PTCH1: variants seen among roughly 807,000 people sequenced by gnomAD.
The protein encoded by PTCH1 is protein patched homolog 1.
A neutral mutation model predicts 144.6 loss-of-function variants in PTCH1; 14 were observed. The observed-to-expected ratio is 0.10, with a 90% CI of 0.06 to 0.15. The LOEUF is 0.15. Among genes scored for constraint, PTCH1 ranks in the 10% least tolerant of loss-of-function variants. PTCH1 has a pLI of 1.00. For synonymous variants in PTCH1, 833 were observed against 793.6 expected, an observed-to-expected ratio of 1.05 and a Z score of -0.83; for missense variants, 1,623 against 1,948.3, an observed-to-expected ratio of 0.83 and a Z score of 3.14.
rs2136599880 is a variant in PTCH1 at position 95,449,199 on chromosome 9, T to C, written c.3674A>G (p.Tyr1225Cys). Residue 1225 changes from tyrosine (Y) to cysteine (C), a missense_variant, in exon 22 of 24, where the codon TAT becomes TGT. Tyr to Cys is a radical substitution (Grantham distance 194). Transcript: ENST00000331920. The surrounding 1 kb of genome is among the most constrained non-coding windows in gnomAD (Gnocchi z 5.3). ...HSGSDSSDSE[Y>C]SSQTTVSGLS... ...GCCTGACACTGTCGTCTGGGAACTA[T>C]ACTCCGAGTCGGAGGAATCAGACCC... is the stretch of plus-strand genomic sequence containing the variant. 1.2e-6 allele frequency: 2 copies of C among 1,608,954 alleles called. No individual in the cohort carries two copies. Among genetic ancestry groups the C allele is most frequent in the South Asian group, 1.1e-5 (1 of 90,210 alleles).
chr9:95,494,129 G>C (rs138700452), intron 2 of PTCH1: 7 of 876,940 alleles, frequency 8.0e-6, no homozygotes, highest in Non-Finnish European at 9.6e-6. Context: ...GTAGTGCGCA[G>C]GCGCTCGCGC....
chr9:95,516,714 A>C, exon 1 of PTCH1: 1 of 1,612,354 alleles, frequency 6.2e-7, no homozygotes, highest in Non-Finnish European at 8.5e-7. Flanking sequence ...GTCTTTACAA[A>C]AGGAACGGAA....
intron 12 of PTCH1, among the ~76,000 whole-genome samples, chr9:95,475,486 G>A (rs1433320377): frequency 2.0e-5 from 3 of 152,204 alleles, no homozygotes; most frequent in East Asian, 1.9e-4. Context: ...AGGGCCCACC[G>A]AGGCGGACCC....
intron 18 of PTCH1, among the ~76,000 whole-genome samples, chr9:95,456,863 T>G (rs1198385385): frequency 6.6e-6 from 1 of 152,128 alleles, no homozygotes; most frequent in Non-Finnish European, 1.5e-5. Context: ...CACTCTCCAT[T>G]CTAAAGAAAG....
intron 20 of PTCH1, chr9:95,452,784 G>T (rs1164039627): frequency 2.6e-5 from 4 of 153,376 alleles, no homozygotes; most frequent in Admixed American, 1.3e-4. Context: ...ATAAAGTCAG[G>T]TGACAATTTT....
intron 2 of PTCH1, 78 bp downstream of exon 2, chr9:95,506,329 T>G (rs1490586131): frequency 3.9e-5 from 58 of 1,492,736 alleles, no homozygotes; most frequent in Non-Finnish European, 4.9e-5. Context: ...AGGCTCTAGG[T>G]GTGCGCTGGC....
chr9:95,453,760 C>G, intron 19 of PTCH1, 140 bp from the exon 20 acceptor site: 1 of 1,109,464 alleles, frequency 9.0e-7, no homozygotes, highest in Non-Finnish European at 1.3e-6. Context: ...CAGAGTAGCT[C>G]AACTAGCAGC....
At chr9:95,493,205 C>T (rs1249017468) in intron 2 of PTCH1, among the ~76,000 whole-genome samples, 1 of 152,196 alleles carries the variant, frequency 6.6e-6, no homozygotes, top group Non-Finnish European at 1.5e-5. Flanking sequence ...TTTCCCTCAT[C>T]ACGCTTCCCT....
intron 7 of PTCH1, 24 bp downstream of exon 7, chr9:95,479,945 G>C (rs1247188952): frequency 4.3e-6 from 7 of 1,614,204 alleles, no homozygotes; most frequent in Non-Finnish European, 5.1e-6. Flanking sequence ...ACAGGGCATA[G>C]ATTGTCCTCG....
chr9:95,475,806 T>C (rs1268067769), intron 12 of PTCH1, among the ~76,000 whole-genome samples: 3 of 152,086 alleles, frequency 2.0e-5, no homozygotes, highest in Non-Finnish European at 2.9e-5. Context: ...CTGGGCTTCA[T>C]AGGGCTAGAA....
intron 2 of PTCH1, among the ~76,000 whole-genome samples, chr9:95,488,101 C>T (rs546282127): frequency 6.6e-6 from 1 of 152,302 alleles, no homozygotes; most frequent in South Asian, 2.1e-4. Flanking sequence ...TCCAGACCAA[C>T]CTCATAATGG....
chr9:95,491,156 A>T (rs1842379702), intron 2 of PTCH1, among the ~76,000 whole-genome samples: 1 of 152,250 alleles, frequency 6.6e-6, no homozygotes, highest in Admixed American at 6.5e-5. Flanking sequence ...ATAACGTTTT[A>T]TACTTGGGTG....
rs1843951039 is a variant in PTCH1 at position 95,508,648 on chromosome 9, C to T, written c.-287G>A. On this transcript the variant is annotated 5_prime_UTR_variant, in exon 1 of 24. Transcript: ENST00000331920. ...CCCGAGGTCTCTGCGGCCGCCGCTG[C>T]CCACATCCAGTTCGCGGAAGAGCGA... 1.8e-5 allele frequency: 18 copies of T among 988,812 alleles called. No homozygotes were observed. The highest frequency in any genetic ancestry group is 2.0e-5 in the Non-Finnish European group (17 of 832,618). The allele number at this position is 988,812 out of a possible 1,614,324, so 61.3% of individuals were successfully genotyped here. A position where few individuals can be genotyped will look rare whatever the true frequency, so the allele number is the denominator to read the frequency against.
At chr9:95,484,667 A>T (rs1841835889) in intron 3 of PTCH1, among the ~76,000 whole-genome samples, 1 of 152,192 alleles carries the variant, frequency 6.6e-6, no homozygotes. Context: ...GTTGGGTGAC[A>T]TCAACTCAGA....
At chr9:95,501,849 ACC>A (rs1218553491) in intron 2 of PTCH1, among the ~76,000 whole-genome samples, 1 of 152,204 alleles carries the variant, frequency 6.6e-6, no homozygotes, top group Non-Finnish European at 1.5e-5. Context: ...AAAAGGAAAT[ACC>A]AACAAAGAAA....
intron 20 of PTCH1, chr9:95,450,271 G>A (rs1040684368): frequency 2.7e-6 from 1 of 371,370 alleles, no homozygotes; most frequent in Non-Finnish European, 5.1e-6. Context: ...TATGGAATGC[G>A]ACCTGAATGG....
chr9:95,444,155 A>T lies in PTCH1; in HGVS notation c.*2238T>A, dbSNP rs1187792381. ...ATCCAAATGAACAAACAGGACAGACAAAATAAAACTATTAAAAGAGAGAGA... is the reference window on the plus strand; with the variant it reads ...ATCCAAATGAACAAACAGGACAGACTAAATAAAACTATTAAAAGAGAGAGA... On this transcript the variant is annotated 3_prime_UTR_variant, in exon 24 of 24. Transcript: ENST00000331920. The T allele has an allele frequency of 6.6e-6, 1 of 152,406 alleles. No individual in the cohort carries two copies. The highest frequency in any genetic ancestry group is 2.4e-5 in the African/African-American group (1 of 41,412). The allele number at this position is 152,406 out of a possible 1,614,324, so 9.4% of individuals were successfully genotyped here. A position where few individuals can be genotyped will look rare whatever the true frequency, so the allele number is the denominator to read the frequency against.
Position 95,458,186 on chromosome 9 carries a change from T to G in PTCH1, c.2995A>C (p.Ser999Arg), listed in dbSNP as rs1181905241. ...GACAGCCCCAGGCTCGTATAGTTGC[T>G]GCAGATGGTCCTTACTTTTTCAATT... ...EAIEKVRTIC[S>R]NYTSLGLSSY... The change falls in exon 18 of 24, where the codon AGC (serine) becomes CGC (arginine). Residue 999 changes from serine to arginine, a missense_variant. By Grantham distance (110) the Ser-to-Arg change is moderately radical. Transcript: ENST00000331920. The surrounding 1 kb of genome is among the most constrained non-coding windows in gnomAD (Gnocchi z 4.7). 1.2e-6 allele frequency: 2 copies of G among 1,614,068 alleles called. No homozygotes were observed. Among genetic ancestry groups the G allele is most frequent in the Non-Finnish European group, 1.7e-6 (2 of 1,180,046 alleles).
At chr9:95,496,865 G>A (rs1229101170) in intron 2 of PTCH1, among the ~76,000 whole-genome samples, 2 of 151,272 alleles carry the variant, frequency 1.3e-5, no homozygotes, top group East Asian at 3.9e-4. Context: ...GCTGTGTGAT[G>A]TTTGAGTCTA....
Sources: allele counts gnomAD v4.1 joint callset (sites outside exome capture counted in the v4.1 genomes callset), GRCh38; gene constraint gnomAD v4.1.1; non-coding constraint Gnocchi (gnomAD v3.1); transcripts MANE v1.5; gene names NCBI Gene and HGNC (gene_info 2026-07-23, HGNC 2026-07-21).